Variants in VPS13B observed in about 807,000 individuals in gnomAD.
VPS13B encodes intermembrane lipid transfer protein VPS13B.
In VPS13B, 285 loss-of-function variants were observed where a neutral mutation model predicts 426.4. The observed-to-expected ratio is 0.67, with a 90% CI of 0.61 to 0.74. VPS13B has a LOEUF of 0.74. VPS13B is among the 30% of genes least tolerant of loss of function. The pLI, the probability that VPS13B is intolerant of heterozygous loss-of-function variation, is 0.00. For missense variants in VPS13B, 4,537 were observed against 4,782.6 expected, an observed-to-expected ratio of 0.95 and a Z score of 1.51; for synonymous variants, 1,676 against 1,676.4, an observed-to-expected ratio of 1.00 and a Z score of 0.01.
At chr8:99,757,875 T>TA (rs1273738323) in intron 39 of VPS13B, among the ~76,000 whole-genome samples, 2 of 152,246 alleles carry the variant, frequency 1.3e-5, no homozygotes, top group Non-Finnish European at 2.9e-5. Flanking sequence ...CAAAATGTAA[T>TA]AAAAAAATAT....
chr8:99,261,763 A>G (rs1026320501), intron 17 of VPS13B, among the ~76,000 whole-genome samples: 8 of 152,168 alleles, frequency 5.3e-5, no homozygotes, highest in African/African-American at 1.7e-4. Context: ...AGTAATGCAA[A>G]TAAGTTTTCT....
At chr8:99,603,522 G>A (rs538414427) in intron 33 of VPS13B, among the ~76,000 whole-genome samples, 2 of 152,306 alleles carry the variant, frequency 1.3e-5, no homozygotes, top group South Asian at 4.1e-4. Flanking sequence ...CTTGAACACA[G>A]CACTGTAGTA....
At chr8:99,820,960 C>A (rs1258852275) in intron 49 of VPS13B, among the ~76,000 whole-genome samples, 2 of 151,556 alleles carry the variant, frequency 1.3e-5, no homozygotes, top group African/African-American at 4.9e-5. Flanking sequence ...ATGAAACCTT[C>A]AGTTTTTAAA....
At position 99,442,385 on chromosome 8, in the gene VPS13B, T is replaced by A. The variant is rs1439444815; in HGVS notation, c.3211-16T>A. ...TAGTCTAATCCGAATATTTTAATTCTGCTTTTCTTTTCTAGCTTGAAGTAC... is the reference window on the plus strand; with the variant it reads ...TAGTCTAATCCGAATATTTTAATTCAGCTTTTCTTTTCTAGCTTGAAGTAC... On this transcript the variant is annotated splice_polypyrimidine_tract_variant and intron_variant, in intron 22 of 61. Transcript: ENST00000357162. 1 of 1,606,780 alleles carries A rather than the reference T, an allele frequency of 6.2e-7. No homozygotes were observed. The highest frequency in any genetic ancestry group is 1.3e-5 in the African/African-American group (1 of 74,724).
At chr8:99,672,233 G>C (rs1230545320) in intron 35 of VPS13B, among the ~76,000 whole-genome samples, 1 of 152,070 alleles carries the variant, frequency 6.6e-6, no homozygotes, top group African/African-American at 2.4e-5. Flanking sequence ...AGCATGAGTA[G>C]GATGGACATT....
intron 54 of VPS13B, among the ~76,000 whole-genome samples, chr8:99,837,686 G>A (rs541569225): frequency 7.9e-5 from 12 of 152,250 alleles, no homozygotes; most frequent in African/African-American, 1.4e-4. Flanking sequence ...CCTGCAGACC[G>A]TGGTTTACTT....
chr8:99,725,388 C>G (rs1383854765), intron 39 of VPS13B, among the ~76,000 whole-genome samples: 1 of 152,156 alleles, frequency 6.6e-6, no homozygotes, highest in Non-Finnish European at 1.5e-5. Context: ...TGAGCAGGGG[C>G]ATTACATTTT....
At chr8:99,585,012 C>T (rs1435343096) in intron 33 of VPS13B, among the ~76,000 whole-genome samples, 1 of 152,058 alleles carries the variant, frequency 6.6e-6, no homozygotes, top group African/African-American at 2.4e-5. Flanking sequence ...TCTTACAAGC[C>T]TAAACTTCAT....
chr8:99,712,518 A>G (rs954123382), intron 36 of VPS13B, among the ~76,000 whole-genome samples: 1 of 152,168 alleles, frequency 6.6e-6, no homozygotes, highest in African/African-American at 2.4e-5. Flanking sequence ...GAACATAGCT[A>G]TAGCTAGCTC....
At chr8:99,775,349 A>G (rs1024102198) in intron 40 of VPS13B, among the ~76,000 whole-genome samples, 3 of 152,172 alleles carry the variant, frequency 2.0e-5, no homozygotes, top group African/African-American at 7.2e-5. Context: ...AGGCTGTGAT[A>G]GCTACAGAGC....
chr8:99,435,032 T>C lies in VPS13B; in HGVS notation c.3210+3368T>C, dbSNP rs73702014. On this transcript the variant is annotated intron_variant, in intron 22 of 61. Transcript: ENST00000357162. ...AGGCTAAGTGCCATGGTATGGAGTA[T>C]ACTGTAGGGAGCCCCTTAGAAAACT... 4.2e-3 allele frequency among the ~76,000 whole-genome samples: 647 copies of C among 152,312 alleles called. 5 individuals carry two copies. Among genetic ancestry groups the C allele is most frequent in the African/African-American group, 0.014 (600 of 41,568 alleles).
rs1384234294 is a variant in VPS13B at position 99,289,062 on chromosome 8, T to TGAATGAATGAAA, written c.2824+13811_2824+13812insTGAATGAAAGAA. On this transcript the variant is annotated intron_variant, in intron 19 of 61. Transcript: ENST00000357162. ...ATGAATGAATGAATGAATGAATGAA[T>TGAATGAATGAAA]GAAAGAAGGAAGGAAGGAAGGAAAG... Among the ~76,000 whole-genome samples the TGAATGAATGAAA allele has an allele frequency of 3.7e-3, 546 of 148,932 alleles. 5 individuals are homozygous for TGAATGAATGAAA. The highest frequency in any genetic ancestry group is 6.8e-3 in the Middle Eastern group (2 of 294).
intron 42 of VPS13B, 91 bp from the exon 43 acceptor site, chr8:99,784,224 T>C: frequency 6.5e-7 from 1 of 1,530,350 alleles, no homozygotes; most frequent in Non-Finnish European, 9.0e-7. Flanking sequence ...TTAGGGTTTC[T>C]GTGTTGTAAC....
At chr8:99,130,984 G>A (rs1809760419) in intron 8 of VPS13B, among the ~76,000 whole-genome samples, 1 of 152,064 alleles carries the variant, frequency 6.6e-6, no homozygotes, top group Non-Finnish European at 1.5e-5. Context: ...ACTTTCATTA[G>A]GCCTAAGTTA....
rs554689681 is a variant in VPS13B, at chr8:99,603,668, A to G, written c.5220+26035A>G. On this transcript the variant is annotated intron_variant, in intron 33 of 61. Transcript: ENST00000357162. ...GGAGCTGGAAGGTGTGGGAGACTTC[A>G]TCACACTACTAAGAATGGCATACAA... Among the ~76,000 whole-genome samples, 3 of 152,342 alleles carry G rather than the reference A, an allele frequency of 2.0e-5. No individual in the cohort carries two copies. The East Asian group carries it at 5.8e-4, about 29-fold the overall frequency.
chr8:99,186,926 C>A (rs1446168609), intron 16 of VPS13B, among the ~76,000 whole-genome samples: 3 of 152,070 alleles, frequency 2.0e-5, no homozygotes, highest in African/African-American at 7.2e-5. Context: ...CATTTGGGAA[C>A]ATTTTAGGTG....
At chr8:99,381,003 A>T (rs1482319560) in intron 19 of VPS13B, among the ~76,000 whole-genome samples, 5 of 152,090 alleles carry the variant, frequency 3.3e-5, no homozygotes, top group Admixed American at 3.3e-4. Flanking sequence ...CCAGGTACTA[A>T]AAAATAAACC....
chr8:99,433,950 C>T (rs982348514), intron 22 of VPS13B, among the ~76,000 whole-genome samples: 4 of 152,080 alleles, frequency 2.6e-5, no homozygotes, highest in African/African-American at 7.2e-5. Flanking sequence ...GAATTACAGG[C>T]GCCCACCACC....
intron 17 of VPS13B, among the ~76,000 whole-genome samples, chr8:99,273,461 C>T (rs1194531944): frequency 6.6e-6 from 1 of 151,940 alleles, no homozygotes; most frequent in South Asian, 2.1e-4. Context: ...TCACCGCGCC[C>T]AGCCTTGCTT....
Sources: allele counts gnomAD v4.1 joint callset (sites outside exome capture counted in the v4.1 genomes callset), GRCh38; gene constraint gnomAD v4.1.1; transcripts MANE v1.5; gene names NCBI Gene and HGNC (gene_info 2026-07-23, HGNC 2026-07-21).